GABRB1: variants seen among roughly 807,000 people sequenced by gnomAD.
GABRB1 encodes gamma-aminobutyric acid receptor subunit beta-1.
In GABRB1, 17 loss-of-function variants were observed where a neutral mutation model predicts 51.6. The ratio of observed to expected loss-of-function variants is 0.33; its 90% confidence interval spans 0.23 to 0.49. The LOEUF is 0.49. Among genes scored for constraint, GABRB1 ranks in the 20% least tolerant of loss-of-function variants. The probability of loss-of-function intolerance (pLI) is 0.99; values close to 1 mark genes in which losing one functional copy is unlikely to be tolerated. For missense variants in GABRB1, 410 were observed against 600.6 expected (o/e 0.68, Z 3.32); for synonymous variants, 247 against 218.9 (o/e 1.13, Z -1.14).
At chr4:47,248,936 A>T (rs552344476) in intron 4 of GABRB1, among the ~76,000 whole-genome samples, 2 of 151,674 alleles carry the variant, frequency 1.3e-5, no homozygotes, top group Non-Finnish European at 2.9e-5. Context: ...TATCAATTTT[A>T]TTTCTATTTT....
intron 4 of GABRB1, among the ~76,000 whole-genome samples, chr4:47,209,404 T>C (rs1350909799): frequency 6.6e-6 from 1 of 152,220 alleles, no homozygotes; most frequent in Non-Finnish European, 1.5e-5. Flanking sequence ...AAATCTAATT[T>C]CATATTTTAT....
At chr4:47,050,283 T>G (rs1375254646) in intron 3 of GABRB1, among the ~76,000 whole-genome samples, 3 of 152,182 alleles carry the variant, frequency 2.0e-5, no homozygotes, top group Non-Finnish European at 4.4e-5. Context: ...CACTGAGGTA[T>G]GAAAATATAT....
At chr4:47,251,760 C>T (rs1194615400) in intron 4 of GABRB1, among the ~76,000 whole-genome samples, 1 of 152,052 alleles carries the variant, frequency 6.6e-6, no homozygotes, top group African/African-American at 2.4e-5. Context: ...TGCAGGTTGT[C>T]GGGGAAGTGG....
At chr4:47,392,837 T>C (rs1346319609) in intron 5 of GABRB1, among the ~76,000 whole-genome samples, 1 of 152,238 alleles carries the variant, frequency 6.6e-6, no homozygotes, top group Non-Finnish European at 1.5e-5. Flanking sequence ...GTAATCACAA[T>C]GCTGGAGCAA....
intron 1 of GABRB1, among the ~76,000 whole-genome samples, chr4:47,006,722 C>G (rs1332663300): frequency 1.3e-5 from 2 of 152,092 alleles, no homozygotes; most frequent in African/African-American, 4.8e-5. Flanking sequence ...TATGTGAACT[C>G]TAACAGGAAC....
chr4:47,215,359 A>T (rs979394095), intron 4 of GABRB1, among the ~76,000 whole-genome samples: 3 of 152,122 alleles, frequency 2.0e-5, no homozygotes, highest in Admixed American at 1.3e-4. Flanking sequence ...TGCTTTGTAT[A>T]AGTTGATTCT....
rs1310740966 is a variant in GABRB1, at chr4:47,123,615, AAT to A, written c.241-37629_241-37628del. Among the ~76,000 whole-genome samples the A allele has an allele frequency of 5.7e-3, 359 of 62,716 alleles. 8 individuals carry two copies. The highest frequency in any genetic ancestry group is 7.9e-3 in the Non-Finnish European group (296 of 37,414). The allele number at this position is 62,716 out of a possible 152,430, so 41.1% of individuals were successfully genotyped here. A position where few individuals can be genotyped will look rare whatever the true frequency, so the allele number is the denominator to read the frequency against. ...TATATTACATTATTTCATATATTAT[AAT>A]ATATTATATATTATAATATATTACA... On this transcript the variant is annotated intron_variant, in intron 3 of 8. Coordinates refer to ENST00000295454, the MANE Select transcript of GABRB1 (RefSeq NM_000812.4).
At chr4:47,352,428 C>G (rs933553542) in intron 5 of GABRB1, among the ~76,000 whole-genome samples, 1 of 152,170 alleles carries the variant, frequency 6.6e-6, no homozygotes, top group African/African-American at 2.4e-5. Context: ...AGGCCAGCAT[C>G]ATCCTGATAC....
Position 47,426,060 on chromosome 4 carries a change from A to G in GABRB1, c.*42A>G, listed in dbSNP as rs762453818. The G allele has an allele frequency of 6.8e-7, 1 of 1,461,026 alleles. No homozygotes were observed. Among genetic ancestry groups the G allele is most frequent in the Non-Finnish European group, 9.2e-7 (1 of 1,085,664 alleles). The allele number at this position is 1,461,026 out of a possible 1,614,324, so 90.5% of individuals were successfully genotyped here. A position where few individuals can be genotyped will look rare whatever the true frequency, so the allele number is the denominator to read the frequency against. ...TCCATTTAGACTACTTTCCTCTTCT[A>G]TTGTTTTTTAACCTTACAGGTCCCC... On this transcript the variant is annotated 3_prime_UTR_variant, in exon 9 of 9. Coordinates refer to ENST00000295454, the MANE Select transcript of GABRB1 (RefSeq NM_000812.4).
chr4:47,420,512 A>T (rs556813078), intron 8 of GABRB1, among the ~76,000 whole-genome samples: 1 of 152,274 alleles, frequency 6.6e-6, no homozygotes, highest in Admixed American at 6.5e-5. Context: ...AATTTGCCTC[A>T]CTTCCTTCTG....
At chr4:47,098,183 CACACACAT>C (rs1433878493) in intron 3 of GABRB1, among the ~76,000 whole-genome samples, 1 of 127,058 alleles carries the variant, frequency 7.9e-6, no homozygotes, top group African/African-American at 2.8e-5. Flanking sequence ...CACACACACA[CACACACAT>C]GTTTTTCAGT....
intron 3 of GABRB1, among the ~76,000 whole-genome samples, chr4:47,058,890 A>G (rs1189629480): frequency 6.6e-6 from 1 of 152,214 alleles, no homozygotes; most frequent in Admixed American, 6.5e-5. Flanking sequence ...ATTCAAAGTA[A>G]GAAACAAAGC....
intron 3 of GABRB1, among the ~76,000 whole-genome samples, chr4:47,121,430 T>A (rs1289785087): frequency 6.6e-6 from 1 of 152,198 alleles, no homozygotes; most frequent in Non-Finnish European, 1.5e-5. Flanking sequence ...AACCAAGTAC[T>A]GTGATCACTC....
rs773778765 is a variant in GABRB1, at chr4:47,403,300, T to A, written c.545-18T>A. 5.0e-6 allele frequency: 8 copies of A among 1,612,454 alleles called. No individual in the cohort carries two copies. ...TTTCCTAAACTTTGTTTAACCGTGC[T>A]GTTTTTATTGGTTTCAGATGGCTAT... On this transcript the variant is annotated intron_variant, in intron 5 of 8. Coordinates refer to ENST00000295454, the MANE Select transcript of GABRB1 (RefSeq NM_000812.4).
At chr4:47,369,338 A>T (rs1170015440) in intron 5 of GABRB1, among the ~76,000 whole-genome samples, 4 of 151,966 alleles carry the variant, frequency 2.6e-5, no homozygotes, top group Admixed American at 2.6e-4. Context: ...CTTTCAGTAA[A>T]ATGAAGAGTT....
intron 4 of GABRB1, among the ~76,000 whole-genome samples, chr4:47,163,697 A>G (rs1718057379): frequency 6.6e-6 from 1 of 152,044 alleles, no homozygotes; most frequent in African/African-American, 2.4e-5. Context: ...AAAATTTTAA[A>G]GAAAAAAGAA....
chr4:47,273,979 A>C (rs1219192042), intron 4 of GABRB1, among the ~76,000 whole-genome samples: 3 of 152,074 alleles, frequency 2.0e-5, no homozygotes, highest in South Asian at 4.1e-4. Flanking sequence ...GCATGCATAC[A>C]CATACATGTA....
At chr4:47,031,822 C>T (rs1725315281) in intron 1 of GABRB1, 91 bp downstream of exon 1, 2 of 1,498,932 alleles carry the variant, frequency 1.3e-6, no homozygotes, top group African/African-American at 2.8e-5. Flanking sequence ...GATCATGTAT[C>T]TTGTTGTTTG....
intron 3 of GABRB1, among the ~76,000 whole-genome samples, chr4:47,058,074 G>C (rs1004964513): frequency 9.2e-5 from 14 of 152,144 alleles, no homozygotes; most frequent in African/African-American, 2.4e-4. Context: ...ACCTGAAGAG[G>C]CTGCACAGAG....
Sources: allele counts gnomAD v4.1 joint callset (sites outside exome capture counted in the v4.1 genomes callset), GRCh38; gene constraint gnomAD v4.1.1; transcripts MANE v1.5; gene names NCBI Gene and HGNC (gene_info 2026-07-23, HGNC 2026-07-21).